The following QKI variants were observed in gnomAD, a reference collection of about 807,000 sequenced individuals.
QKI encodes QKI, KH domain containing RNA binding.
Under a neutral mutation model 39.0 loss-of-function variants are expected in QKI, and 10 were observed. The observed-to-expected ratio is 0.26, with a 90% CI of 0.16 to 0.43. QKI has a LOEUF of 0.43. Ranked by LOEUF, QKI falls within the 20% of genes least tolerant of loss-of-function variation. QKI has a pLI of 1.00. For missense variants in QKI, 218 were observed against 428.0 expected (o/e 0.51, Z 4.33); for synonymous variants, 204 against 155.4 (o/e 1.31, Z -2.33).
chr6:163,546,398 G>T (rs946205894), intron 4 of QKI, among the ~76,000 whole-genome samples: 6 of 151,832 alleles, frequency 4.0e-5, no homozygotes, highest in African/African-American at 1.4e-4. Context: ...AAAATCACAT[G>T]TCCCTTACTA....
At chr6:163,513,107 G>A (rs954244096) in intron 3 of QKI, among the ~76,000 whole-genome samples, 1 of 152,062 alleles carries the variant, frequency 6.6e-6, no homozygotes, top group Non-Finnish European at 1.5e-5. Flanking sequence ...TCATTTATAA[G>A]TTAATCTTTA....
intron 3 of QKI, among the ~76,000 whole-genome samples, chr6:163,497,171 CT>C (rs1778461521): frequency 6.6e-6 from 1 of 152,008 alleles, no homozygotes; most frequent in Admixed American, 6.6e-5. Context: ...TTTGTGGATT[CT>C]GTCTTTAGTG....
In QKI at chr6:163,414,927, G is replaced by A. The variant is rs1027366977; in HGVS notation, c.-267G>A. 1 of 151,590 alleles carries A rather than the reference G, an allele frequency of 6.6e-6. No homozygotes were observed. Among genetic ancestry groups the A allele is most frequent in the African/African-American group, 2.4e-5 (1 of 40,912 alleles). 9.4% of individuals were successfully genotyped at this position (151,590 alleles called of 1,614,324 possible). On this transcript the variant is annotated 5_prime_UTR_variant, in exon 1 of 8. Transcript: ENST00000361752. Reference sequence around the variant, plus strand: ...GAGACCCGCCTCCCGCCCGCCCGCCGGCCTCGTGAGGGACGCGCCGAGCCG... The same window carrying A: ...GAGACCCGCCTCCCGCCCGCCCGCCAGCCTCGTGAGGGACGCGCCGAGCCG...
intron 3 of QKI, among the ~76,000 whole-genome samples, chr6:163,493,380 C>T (rs1363331048): frequency 2.0e-5 from 3 of 152,172 alleles, no homozygotes; most frequent in South Asian, 2.1e-4. Flanking sequence ...TCCACCGCCT[C>T]GGCCTCCCAA....
intron 3 of QKI, among the ~76,000 whole-genome samples, chr6:163,517,484 CTTGGTTCA>C (rs1239927527): frequency 1.3e-5 from 2 of 150,228 alleles, no homozygotes; most frequent in East Asian, 4.2e-4. Flanking sequence ...GTGGCTTAAT[CTTGGTTCA>C]TTGAAACCTC....
Position 163,570,846 on chromosome 6 carries a change from AC to A in QKI, c.*138del. The stretch of plus-strand genomic sequence containing the variant: ...GCTGAGGCACTTGTCCGTTCGTCTT[AC>A]CATCTAACCAAACAAAAGACAAAGA... On this transcript the variant is annotated 3_prime_UTR_variant, in exon 8 of 8. Coordinates refer to ENST00000361752, the MANE Select transcript of QKI (RefSeq NM_006775.3). The A allele has an allele frequency of 8.5e-7, 1 of 1,175,274 alleles. No homozygotes were observed. Among genetic ancestry groups the A allele is most frequent in the Non-Finnish European group, 1.2e-6 (1 of 851,496 alleles). The allele number at this position is 1,175,274 out of a possible 1,614,324, so 72.8% of individuals were successfully genotyped here. A position where few individuals can be genotyped will look rare whatever the true frequency, so the allele number is the denominator to read the frequency against.
chr6:163,471,901 G>C (rs2128223427), intron 2 of QKI, among the ~76,000 whole-genome samples: 1 of 152,132 alleles, frequency 6.6e-6, no homozygotes, highest in African/African-American at 2.4e-5. Flanking sequence ...GTAATAGATT[G>C]GATCAAGAAA....
chr6:163,562,607 A>G (rs56375308), intron 5 of QKI, among the ~76,000 whole-genome samples: 3,403 of 152,190 alleles, frequency 0.022, 124 homozygotes, highest in African/African-American at 0.078. Context: ...ATGCGTATCT[A>G]TGCATGTTTT....
intron 2 of QKI, among the ~76,000 whole-genome samples, chr6:163,474,627 G>GCTCTA: frequency 6.6e-6 from 1 of 151,796 alleles, no homozygotes; most frequent in Non-Finnish European, 1.5e-5. Flanking sequence ...AATCAAAAAA[G>GCTCTA]CTCTACATTT....
intron 4 of QKI, among the ~76,000 whole-genome samples, chr6:163,545,073 G>C (rs1052980741): frequency 6.6e-6 from 1 of 152,062 alleles, no homozygotes; most frequent in Non-Finnish European, 1.5e-5. Flanking sequence ...AGAGATCTCT[G>C]TAATTTCTGC....
intron 3 of QKI, among the ~76,000 whole-genome samples, chr6:163,490,152 T>C (rs1777963984): frequency 6.6e-6 from 1 of 152,206 alleles, no homozygotes; most frequent in South Asian, 2.1e-4. Flanking sequence ...ATGAAATGTA[T>C]ACTCTTGTAT....
rs954880903 is a variant in QKI, at chr6:163,575,343, G to C, written c.*4633G>C. 6.6e-6 allele frequency: 1 copy of C among 152,042 alleles called. No individual in the cohort carries two copies. Among genetic ancestry groups the C allele is most frequent in the African/African-American group, 2.4e-5 (1 of 41,374 alleles). 9.4% of individuals were successfully genotyped at this position (152,042 alleles called of 1,614,324 possible). ...TTATGTCATTGCTGCCTTTTATGTA[G>C]GAAATGTAAAAAAGTTTTAAAAGGC... is the stretch of plus-strand genomic sequence containing the variant. On this transcript the variant is annotated 3_prime_UTR_variant, in exon 8 of 8. Coordinates refer to ENST00000361752, the MANE Select transcript of QKI (RefSeq NM_006775.3).
intron 2 of QKI, among the ~76,000 whole-genome samples, chr6:163,472,125 C>CCTA (rs1162379382): frequency 1.3e-5 from 2 of 152,104 alleles, no homozygotes; most frequent in African/African-American, 4.8e-5. Context: ...CTACTGATAG[C>CCTA]CTACTGTCGA....
intron 4 of QKI, among the ~76,000 whole-genome samples, chr6:163,546,672 G>C (rs1260885168): frequency 6.6e-6 from 1 of 151,922 alleles, no homozygotes; most frequent in African/African-American, 2.4e-5. Flanking sequence ...TAACCATTGT[G>C]ACATTTTAAT....
At chr6:163,522,454 C>T (rs983647112) in intron 3 of QKI, among the ~76,000 whole-genome samples, 2 of 152,156 alleles carry the variant, frequency 1.3e-5, no homozygotes, top group Non-Finnish European at 2.9e-5. Context: ...TTCCCCCACT[C>T]TGTTTTCTAC....
intron 3 of QKI, among the ~76,000 whole-genome samples, chr6:163,486,321 C>G (rs1777675865): frequency 6.6e-6 from 1 of 152,104 alleles, no homozygotes; most frequent in South Asian, 2.1e-4. Flanking sequence ...ATTTGTTTCC[C>G]AAATGTATTT....
At chr6:163,471,421 G>A (rs1792174220) in intron 2 of QKI, among the ~76,000 whole-genome samples, 1 of 152,078 alleles carries the variant, frequency 6.6e-6, no homozygotes, top group Non-Finnish European at 1.5e-5. Flanking sequence ...TAAAATTGTT[G>A]ATAAACCTAA....
At chr6:163,567,816 T>C (rs557556332) in intron 7 of QKI, 1 of 985,256 alleles carries the variant, frequency 1.0e-6, no homozygotes, top group East Asian at 1.1e-4. Flanking sequence ...GAGGAAAAAG[T>C]GCTGGATTTG....
intron 7 of QKI, chr6:163,569,551 G>A: frequency 8.4e-7 from 1 of 1,190,906 alleles, no homozygotes; most frequent in Non-Finnish European, 1.1e-6. Context: ...CAAGTTTGGT[G>A]AAGCAGAATG....
Sources: gnomAD v4.1 joint callset for allele counts (sites outside exome capture counted in the v4.1 genomes callset) on GRCh38, gnomAD v4.1.1 for gene constraint, MANE v1.5 for transcripts, NCBI Gene and HGNC (gene_info 2026-07-23, HGNC 2026-07-21) for gene names.